Variants in SAMD11 observed in about 807,000 individuals in gnomAD.
The protein encoded by SAMD11 is sterile alpha motif domain-containing protein 11.
SAMD11 carries 77 observed loss-of-function variants against 64.4 expected under a neutral mutation model. That is an observed-to-expected ratio of 1.20 (90% confidence interval 0.99 to 1.44). SAMD11 has a LOEUF of 1.44. SAMD11 is among the 40% of genes most tolerant of loss of function. The pLI is 0.00. For synonymous variants in SAMD11, 658 were observed against 421.9 expected (o/e 1.56, Z -6.86); for missense variants, 1,402 against 943.3 (o/e 1.49, Z -6.37).
chr1:925,334 G>T, intron 1 of SAMD11: 1 of 150,808 alleles, frequency 6.6e-6, no homozygotes, highest in South Asian at 1.8e-4. Context: ...GCGAGCGCGC[G>T]GCGGGGGAGG....
At chr1:943,159 TC>T (rs1217704910) in intron 11 of SAMD11, 93 bp from the exon 12 acceptor site, 11 of 1,592,718 alleles carry the variant, frequency 6.9e-6, no homozygotes, top group Admixed American at 3.5e-5. Context: ...TAGGCACCCA[TC>T]CCCCACCTCA....
intron 4 of SAMD11, among the ~76,000 whole-genome samples, chr1:932,857 G>C (rs1557602848): frequency 6.6e-6 from 1 of 152,228 alleles, no homozygotes; most frequent in Non-Finnish European, 1.5e-5. Flanking sequence ...GATGCTCCTC[G>C]AGCCATTGTT....
rs1640786095 is a variant in SAMD11, at chr1:924,346, C to T, written c.-86C>T. On this transcript the variant is annotated 5_prime_UTR_variant, in exon 1 of 14. Transcript: ENST00000616016. ...CGTGGGCGCGCGGCCAGGCGCCTCC[C>T]CGGCCCCCGCGACCCAACTCCAGCC... 1 of 149,418 alleles carries T rather than the reference C, an allele frequency of 6.7e-6. No homozygotes were observed. Among genetic ancestry groups the T allele is most frequent in the Admixed American group, 6.6e-5 (1 of 15,042 alleles). 9.3% of individuals were successfully genotyped at this position (149,418 alleles called of 1,614,324 possible).
At chr1:940,342 T>C (rs1641686448) in intron 7 of SAMD11, 1 of 136,416 alleles carries the variant, frequency 7.3e-6, no homozygotes, top group Admixed American at 8.7e-5. Flanking sequence ...AATAACCCTG[T>C]AACTAACCCG....
At chr1:930,519 C>T (rs928063021) in intron 3 of SAMD11, among the ~76,000 whole-genome samples, 183 bp downstream of exon 3, 7 of 152,186 alleles carry the variant, frequency 4.6e-5, no homozygotes, top group African/African-American at 1.4e-4. Flanking sequence ...CCCTGTCTGG[C>T]GTCCCCTCCC....
At position 925,875 on chromosome 1, in the gene SAMD11, A is replaced by G. The variant is rs561574473; in HGVS notation, c.518-47A>G. On this transcript the variant is annotated intron_variant, in intron 1 of 13. Transcript: ENST00000616016. ...ACTGGCCCTGCCGCTGACTGCGCGC[A>G]GAAGCGTGCCGCTCCCTCACAGGGT... The G allele has an allele frequency of 2.1e-4, 301 of 1,414,578 alleles. No individual in the cohort carries two copies. The African/African-American group carries it at 3.6e-3, about 17-fold the overall frequency. The allele number at this position is 1,414,578 out of a possible 1,614,324, so 87.6% of individuals were successfully genotyped here. A position where few individuals can be genotyped will look rare whatever the true frequency, so the allele number is the denominator to read the frequency against.
intron 7 of SAMD11, among the ~76,000 whole-genome samples, chr1:940,641 C>T (rs1231794898): frequency 6.6e-6 from 1 of 151,994 alleles, no homozygotes; most frequent in Non-Finnish European, 1.5e-5. Context: ...AGTGACCCTG[C>T]GCAGCCGGGA....
Position 939,574 on chromosome 1 carries a change from T to TGGAGGAC in SAMD11, c.1195+162_1195+163insGGAGGAC. 114 of 1,328,272 alleles carry TGGAGGAC rather than the reference T, an allele frequency of 8.6e-5. 1 individual carries two copies. Among genetic ancestry groups the TGGAGGAC allele is most frequent in the African/African-American group, 1.0e-4 (7 of 66,758 alleles). The allele number at this position is 1,328,272 out of a possible 1,614,324, so 82.3% of individuals were successfully genotyped here. A position where few individuals can be genotyped will look rare whatever the true frequency, so the allele number is the denominator to read the frequency against. On this transcript the variant is annotated intron_variant, in intron 7 of 13. Coordinates refer to ENST00000616016, the MANE Select transcript of SAMD11 (RefSeq NM_001385641.1). ...CAAGGCCAGGCTGGATGCAGGTCCC[T>TGGAGGAC]CTGCCACACGTCCTGCCCCATGCCC... is the stretch of plus-strand genomic sequence containing the variant.
At position 944,454 on chromosome 1, in the gene SAMD11, C is replaced by A; in HGVS notation, c.*301C>A. 4.6e-6 allele frequency: 4 copies of A among 866,732 alleles called. No homozygotes were observed. The highest frequency in any genetic ancestry group is 6.6e-6 in the Non-Finnish European group (4 of 605,824). 53.7% of individuals were successfully genotyped at this position (866,732 alleles called of 1,614,324 possible). On this transcript the variant is annotated 3_prime_UTR_variant, in exon 14 of 14. Transcript: ENST00000616016. ...CGGTCTGCTGACGTCAGGGTCAGCT[C>A]CCCCGCGGAGCTGACTTCAGCAGCC...
intron 4 of SAMD11, among the ~76,000 whole-genome samples, chr1:933,401 A>C (rs111966739): frequency 0.024 from 3,627 of 152,216 alleles, 138 homozygotes; most frequent in African/African-American, 0.077. Flanking sequence ...ACCAGGTGCC[A>C]CTGCCCAGCC....
At chr1:935,996 A>G in intron 5 of SAMD11, 100 bp downstream of exon 5, 2 of 1,283,090 alleles carry the variant, frequency 1.6e-6, no homozygotes, top group Non-Finnish European at 2.2e-6. Context: ...GCAGCCAGAG[A>G]GGCAGGAGGA....
At position 944,116 on chromosome 1, in the gene SAMD11, T is replaced by C. The variant is rs1642004181; in HGVS notation, c.2498T>C (p.Leu833Pro). The change falls in exon 14 of 14, where the codon CTT becomes CCT. Residue 833 changes from leucine (L) to proline (P), a missense_variant. Physicochemically the swap from Leu to Pro is moderately conservative, Grantham distance 98 (BLOSUM62 -3). Coordinates refer to ENST00000616016, the MANE Select transcript of SAMD11 (RefSeq NM_001385641.1). ...CAGGAGAATGGGACCTTGGCTCTAC[T>C]TCCAGGGGCCCCCGACCCTTCCCAG... is the stretch of plus-strand genomic sequence containing the variant. ...PKQENGTLALLPGAPDPSQPL... is the reference protein window; with the variant it reads ...PKQENGTLALPPGAPDPSQPL... 1.2e-6 allele frequency: 2 copies of C among 1,603,556 alleles called. No individual in the cohort carries two copies. Among genetic ancestry groups the C allele is most frequent in the Admixed American group, 1.7e-5 (1 of 59,206 alleles).
At position 929,281 on chromosome 1, in the gene SAMD11, C is replaced by A. The variant is rs185388742; in HGVS notation, c.610-874C>A. Among the ~76,000 whole-genome samples the A allele has an allele frequency of 1.3e-3, 195 of 152,286 alleles. 1 individual carries two copies. The highest frequency in any genetic ancestry group is 4.4e-3 in the African/African-American group (181 of 41,542). On this transcript the variant is annotated intron_variant, in intron 2 of 13. Transcript: ENST00000616016. ...CAGCGGGCGTGTCTGTGCTCCCACC[C>A]GAGGCACCCACAGCTCCACACGCTC...
intron 4 of SAMD11, 98 bp downstream of exon 4, chr1:931,187 G>A: frequency 9.0e-7 from 1 of 1,110,402 alleles, no homozygotes; most frequent in Non-Finnish European, 1.3e-6. Context: ...CGCTGTCTCA[G>A]CGTGAGCTGA....
Position 942,889 on chromosome 1 carries a change from C to T in SAMD11, c.1884C>T (p.Pro628=), listed in dbSNP as rs753307284. Residue 628 remains proline, a synonymous_variant, in exon 11 of 14, where the codon CCC becomes CCT. Transcript: ENST00000616016. ...LWAQDGSEDE[P]PKDSDGEDPE... is the part of the protein sequence containing the mutation. ...CACAAGATGGCTCGGAAGACGAGCC[C>T]CCCAAAGACTCGGACGGAGAGGACC... is the stretch of plus-strand genomic sequence containing the variant. 5.1e-6 allele frequency: 8 copies of T among 1,555,480 alleles called. No individual in the cohort carries two copies. In the East Asian group the frequency reaches 1.7e-4, roughly 32 times the overall value.
chr1:930,885 G>A (rs1451647411), intron 3 of SAMD11, among the ~76,000 whole-genome samples, 154 bp from the exon 4 acceptor site: 2 of 152,276 alleles, frequency 1.3e-5, no homozygotes, highest in Non-Finnish European at 2.9e-5. Context: ...CCAGTAGCAG[G>A]TGGTGCTGGG....
Position 932,963 on chromosome 1 carries a change from C to T in SAMD11, c.842+1874C>T, listed in dbSNP as rs529304298. Among the ~76,000 whole-genome samples, 1,132 of 152,266 alleles carry T rather than the reference C, an allele frequency of 7.4e-3. 23 individuals are homozygous for T. The highest frequency in any genetic ancestry group is 0.026 in the African/African-American group (1,074 of 41,546). On this transcript the variant is annotated intron_variant, in intron 4 of 13. Transcript: ENST00000616016. ...TGTGGTCATCAATGAGGGGCGGTGG[C>T]GGGAGGCCCATGCGTGGGCAGCTGG...
chr1:927,166 T>A (rs1208994671), intron 2 of SAMD11, among the ~76,000 whole-genome samples: 2 of 152,174 alleles, frequency 1.3e-5, no homozygotes, highest in African/African-American at 4.8e-5. Context: ...CTCACAGAGT[T>A]CCCAGGCAGG....
chr1:926,240 CA>C (rs749736568), intron 2 of SAMD11, among the ~76,000 whole-genome samples: 1 of 152,240 alleles, frequency 6.6e-6, no homozygotes, highest in African/African-American at 2.4e-5. Context: ...CCGGTGGAGA[CA>C]GGGGGGCCGC....
Sources: allele counts gnomAD v4.1 joint callset (sites outside exome capture counted in the v4.1 genomes callset), GRCh38; gene constraint gnomAD v4.1.1; transcripts MANE v1.5; gene names NCBI Gene and HGNC (gene_info 2026-07-23, HGNC 2026-07-21).